The following MECOM variants were observed in gnomAD, a reference collection of about 807,000 sequenced individuals.
The protein encoded by MECOM is histone-lysine N-methyltransferase MECOM.
Under a neutral mutation model 116.3 loss-of-function variants are expected in MECOM, and 13 were observed. The observed-to-expected ratio is 0.11, with a 90% CI of 0.07 to 0.18. The LOEUF is 0.18. Ranked by LOEUF, MECOM falls within the 10% of genes least tolerant of loss-of-function variation. The pLI is 1.00. For synonymous variants in MECOM, 528 were observed against 535.2 expected, an observed-to-expected ratio of 0.99 and a Z score of 0.19; for missense variants, 1,299 against 1,509.0, an observed-to-expected ratio of 0.86 and a Z score of 2.31.
chr3:169,307,090 A>G (rs1717856603), intron 2 of MECOM, among the ~76,000 whole-genome samples: 1 of 152,146 alleles, frequency 6.6e-6, no homozygotes, highest in African/African-American at 2.4e-5. Context: ...CTCTCTTGAT[A>G]TTTCATATCA....
At chr3:169,247,302 C>CT (rs760962039) in intron 2 of MECOM, among the ~76,000 whole-genome samples, 10 of 143,930 alleles carry the variant, frequency 6.9e-5, no homozygotes, top group Non-Finnish European at 9.1e-5. Flanking sequence ...CCACCTAATA[C>CT]TTTTTTTTTT....
intron 1 of MECOM, among the ~76,000 whole-genome samples, chr3:169,662,350 C>G (rs1460323190): frequency 2.6e-5 from 4 of 152,200 alleles, no homozygotes. Flanking sequence ...AGCCCGCCCC[C>G]TGGGGTTTGC....
chr3:169,248,405 T>C (rs949730073), intron 2 of MECOM, among the ~76,000 whole-genome samples: 24 of 152,238 alleles, frequency 1.6e-4, no homozygotes, highest in African/African-American at 5.5e-4. Flanking sequence ...GGAAAACTGC[T>C]AAATCTACCT....
At chr3:169,354,732 T>C (rs1030842622) in intron 2 of MECOM, among the ~76,000 whole-genome samples, 1 of 151,880 alleles carries the variant, frequency 6.6e-6, no homozygotes, top group Non-Finnish European at 1.5e-5. Flanking sequence ...AGTAAATGGA[T>C]GCCATGAAAA....
intron 2 of MECOM, among the ~76,000 whole-genome samples, chr3:169,224,723 A>T (rs1357449595): frequency 6.6e-6 from 1 of 152,238 alleles, no homozygotes; most frequent in Non-Finnish European, 1.5e-5. Context: ...TGAGTTTAAA[A>T]TGTATGGCAT....
intron 1 of MECOM, among the ~76,000 whole-genome samples, chr3:169,390,383 C>T (rs1216817394): frequency 6.6e-6 from 1 of 152,160 alleles, no homozygotes; most frequent in African/African-American, 2.4e-5. Context: ...GAATTTATTC[C>T]CAGTAGAGGC....
At chr3:169,376,249 T>C (rs1269629036) in intron 2 of MECOM, among the ~76,000 whole-genome samples, 3 of 152,146 alleles carry the variant, frequency 2.0e-5, no homozygotes, top group African/African-American at 7.2e-5. Context: ...GCTGGAAGCA[T>C]TCCCTTTGAA....
At chr3:169,392,800 T>C (rs942969777) in intron 1 of MECOM, among the ~76,000 whole-genome samples, 1 of 152,178 alleles carries the variant, frequency 6.6e-6, no homozygotes, top group Admixed American at 6.6e-5. Context: ...AAGAAACCTC[T>C]TATTTTGATT....
intron 1 of MECOM, among the ~76,000 whole-genome samples, chr3:169,578,318 C>T (rs1451229984): frequency 7.2e-5 from 11 of 152,114 alleles, no homozygotes; most frequent in Non-Finnish European, 7.4e-5. Flanking sequence ...ACTCACGATG[C>T]TTTTTTAAGG....
At chr3:169,134,193 A>G (rs1735675728) in intron 3 of MECOM, among the ~76,000 whole-genome samples, 1 of 152,192 alleles carries the variant, frequency 6.6e-6, no homozygotes, top group Admixed American at 6.5e-5. Flanking sequence ...GATTTACTCA[A>G]TCCAATGTGA....
chr3:169,221,980 T>C (rs1208631979), intron 2 of MECOM, among the ~76,000 whole-genome samples: 1 of 152,120 alleles, frequency 6.6e-6, no homozygotes, highest in Non-Finnish European at 1.5e-5. Flanking sequence ...ATTCTAGTCT[T>C]ACATTATAGT....
chr3:169,292,374 A>G (rs997259416), intron 2 of MECOM, among the ~76,000 whole-genome samples: 3 of 152,118 alleles, frequency 2.0e-5, no homozygotes, highest in African/African-American at 7.2e-5. Context: ...ATAAATGAAA[A>G]GATTGAACTG....
At chr3:169,264,979 C>T (rs1758079353) in intron 2 of MECOM, among the ~76,000 whole-genome samples, 1 of 151,668 alleles carries the variant, frequency 6.6e-6, no homozygotes, top group African/African-American at 2.4e-5. Context: ...TAGTCAGGAA[C>T]TGGAACTGTC....
chr3:169,466,652 A>G lies in MECOM; in HGVS notation c.38-85128T>C, dbSNP rs188730165. The stretch of plus-strand genomic sequence containing the variant: ...CTCTTTCACTTCGGCCTCTTTAAAT[A>G]AAGAAAGAAAAGAAACATGCCAGTT... On this transcript the variant is annotated intron_variant, in intron 1 of 16. Transcript: ENST00000651503. Among the ~76,000 whole-genome samples the G allele has an allele frequency of 4.9e-3, 745 of 152,220 alleles. 5 individuals are homozygous for G. The highest frequency in any genetic ancestry group is 4.5e-3 in the Admixed American group (68 of 15,274).
At chr3:169,255,975 A>C (rs1756817255) in intron 2 of MECOM, among the ~76,000 whole-genome samples, 1 of 152,208 alleles carries the variant, frequency 6.6e-6, no homozygotes, top group African/African-American at 2.4e-5. Context: ...TGCCTTTCTC[A>C]ATGATTTGAC....
intron 2 of MECOM, among the ~76,000 whole-genome samples, chr3:169,323,447 G>T (rs536612199): frequency 6.6e-6 from 1 of 152,266 alleles, no homozygotes; most frequent in East Asian, 1.9e-4. Flanking sequence ...ATGGAAGCAC[G>T]TAGGCATTTG....
intron 1 of MECOM, among the ~76,000 whole-genome samples, chr3:169,383,971 C>G (rs769579909): frequency 2.0e-5 from 3 of 152,196 alleles, no homozygotes; most frequent in South Asian, 4.1e-4. Flanking sequence ...GGTCCTATCA[C>G]CGTCCCATTT....
chr3:169,119,332 T>C (rs1001043116), intron 7 of MECOM, among the ~76,000 whole-genome samples: 1 of 152,228 alleles, frequency 6.6e-6, no homozygotes, highest in African/African-American at 2.4e-5. Context: ...CTATTATTCA[T>C]AATTACTCCA....
intron 1 of MECOM, among the ~76,000 whole-genome samples, chr3:169,382,395 G>A (rs939305358): frequency 5.3e-5 from 8 of 152,040 alleles, no homozygotes; most frequent in Non-Finnish European, 1.0e-4. Flanking sequence ...TAGGAGTTAC[G>A]ACACTGAGCA....
Sources: allele counts gnomAD v4.1 joint callset (sites outside exome capture counted in the v4.1 genomes callset), GRCh38; gene constraint gnomAD v4.1.1; transcripts MANE v1.5; gene names NCBI Gene and HGNC (gene_info 2026-07-23, HGNC 2026-07-21).